Variants in BCL2L13 observed in about 807,000 individuals in gnomAD.
BCL2L13 encodes the protein BCL2 like 13.
In BCL2L13, 13 loss-of-function variants were observed where a neutral mutation model predicts 25.8. The observed-to-expected ratio is 0.50, with a 90% CI of 0.33 to 0.80. The LOEUF is 0.80. Among genes scored for constraint, BCL2L13 ranks in the 30% least tolerant of loss-of-function variants. BCL2L13 has a pLI of 0.02. For missense variants in BCL2L13, 504 were observed against 574.9 expected (o/e 0.88, Z 1.26); for synonymous variants, 244 against 230.3 (o/e 1.06, Z -0.54).
chr22:17,651,852 G>A (rs181536032), intron 1 of BCL2L13, among the ~76,000 whole-genome samples: 239 of 152,120 alleles, frequency 1.6e-3, no homozygotes, highest in African/African-American at 5.4e-3. Flanking sequence ...CACCACGCCC[G>A]GCTAATTTTT....
rs1335053444 is a variant in BCL2L13 at position 17,693,368 on chromosome 22, G to GTTTT, written c.387-2770_387-2769insTTTT. Among the ~76,000 whole-genome samples, 69 of 112,216 alleles carry GTTTT rather than the reference G, an allele frequency of 6.1e-4. 2 individuals carry two copies. The highest frequency in any genetic ancestry group is 2.6e-3 in the African/African-American group (66 of 25,584). 73.6% of individuals were successfully genotyped at this position (112,216 alleles called of 152,430 possible). A position where few individuals can be genotyped will look rare whatever the true frequency, so the allele number is the denominator to read the frequency against. On this transcript the variant is annotated intron_variant, in intron 4 of 6. Transcript: ENST00000317582. ...TTATTTATTTATTTATTTATTTAGT[G>GTTTT]TTTGTTTTTTTTTTTTTTTTTTTTT...
At chr22:17,698,208 G>A (rs930863993) in intron 5 of BCL2L13, among the ~76,000 whole-genome samples, 7 of 151,518 alleles carry the variant, frequency 4.6e-5, no homozygotes, top group African/African-American at 1.5e-4. Flanking sequence ...TTTCCCTTCC[G>A]GGTTCAAGCA....
Position 17,651,384 on chromosome 22 carries a change from TA to T in BCL2L13, c.-50-4277del, listed in dbSNP as rs1189750093. 3.0e-4 allele frequency among the ~76,000 whole-genome samples: 46 copies of T among 151,606 alleles called. 1 individual carries two copies. Among genetic ancestry groups the T allele is most frequent in the East Asian group, 1.9e-3 (10 of 5,168 alleles). On this transcript the variant is annotated intron_variant, in intron 1 of 6. Transcript: ENST00000317582. ...GCCTAGACCTATTTATTTATTTATT[TA>T]TTTATTTATTTATTTGAGACGGAGT...
intron 6 of BCL2L13, among the ~76,000 whole-genome samples, chr22:17,711,384 A>C (rs2060757043): frequency 7.1e-6 from 1 of 141,570 alleles, no homozygotes. Flanking sequence ...TGCATCCTTT[A>C]CCTCCTGGGC....
At chr22:17,674,625 A>G (rs1320361831) in intron 2 of BCL2L13, among the ~76,000 whole-genome samples, 4 of 148,050 alleles carry the variant, frequency 2.7e-5, no homozygotes, top group African/African-American at 9.9e-5. Flanking sequence ...AAAAAAAAGA[A>G]AGAAAGAAAT....
intron 6 of BCL2L13, among the ~76,000 whole-genome samples, chr22:17,710,512 G>A (rs766183580): frequency 6.6e-5 from 10 of 151,964 alleles, no homozygotes; most frequent in East Asian, 1.9e-4. Flanking sequence ...CTTGGGAGGC[G>A]GAGGTTGCGG....
chr22:17,691,001 C>CCACT (rs973566492), intron 4 of BCL2L13, among the ~76,000 whole-genome samples: 99 of 151,934 alleles, frequency 6.5e-4, no homozygotes, highest in African/African-American at 2.3e-3. Flanking sequence ...TAGGGCCTCT[C>CCACT]CACTCTTCTT....
chr22:17,683,016 C>T (rs1392268868), intron 2 of BCL2L13, among the ~76,000 whole-genome samples, 198 bp from the exon 3 acceptor site: 1 of 151,880 alleles, frequency 6.6e-6, no homozygotes, highest in Non-Finnish European at 1.5e-5. Context: ...GCCTATAATC[C>T]CAGTTACTTG....
At chr22:17,658,920 A>C (rs1423162446) in intron 2 of BCL2L13, among the ~76,000 whole-genome samples, 1 of 149,370 alleles carries the variant, frequency 6.7e-6, no homozygotes, top group Non-Finnish European at 1.5e-5. Context: ...TTAGTTGGGC[A>C]TGGTGGCAGG....
intron 6 of BCL2L13, among the ~76,000 whole-genome samples, chr22:17,714,292 C>CA (rs919815952): frequency 4.9e-5 from 7 of 143,002 alleles, no homozygotes; most frequent in Admixed American, 1.4e-4. Context: ...GACTCCGTCT[C>CA]AAAAAAAAAA....
At chr22:17,710,203 G>A (rs1284659498) in intron 6 of BCL2L13, among the ~76,000 whole-genome samples, 2 of 151,892 alleles carry the variant, frequency 1.3e-5, no homozygotes, top group African/African-American at 4.8e-5. Context: ...AGAATGTTCA[G>A]TGAATCTTCA....
At chr22:17,682,604 TACA>T (rs2059789050) in intron 2 of BCL2L13, among the ~76,000 whole-genome samples, 1 of 152,198 alleles carries the variant, frequency 6.6e-6, no homozygotes, top group Non-Finnish European at 1.5e-5. Context: ...GACTTATTGA[TACA>T]TCTTTCCCAA....
intron 2 of BCL2L13, 68 bp from the exon 3 acceptor site, chr22:17,683,146 A>AG: frequency 1.1e-6 from 1 of 916,546 alleles, no homozygotes; most frequent in Non-Finnish European, 1.7e-6. Flanking sequence ...AAAAAAAAAA[A>AG]AAGTGCTATT....
chr22:17,631,690 ATATATATATATATATATTTTTTTTTTTT>A lies in BCL2L13; in HGVS notation c.-650+2687_-650+2714del, dbSNP rs1568903744. Among the ~76,000 whole-genome samples the A allele has an allele frequency of 4.7e-3, 255 of 53,874 alleles. 11 individuals carry two copies. Among genetic ancestry groups the A allele is most frequent in the African/African-American group, 0.016 (242 of 14,976 alleles). 35.3% of individuals were successfully genotyped at this position (53,874 alleles called of 152,430 possible). ...TGTGTGTATATATATATATATATATATATATATATATATATATTTTTTTTTTTTTTTTTTTTTTTTTTTTTTTTGAGAT... is the reference window on the plus strand; with the variant it reads ...TGTGTGTATATATATATATATATATATTTTTTTTTTTTTTTTTTTTGAGAT... On this transcript the variant is annotated intron_variant, in intron 1 of 6. Transcript: ENST00000399782.
At chr22:17,645,306 C>G (rs2058436578) in intron 1 of BCL2L13, among the ~76,000 whole-genome samples, 2 of 143,908 alleles carry the variant, frequency 1.4e-5, no homozygotes, top group Non-Finnish European at 3.0e-5. Flanking sequence ...ACCGCAACCT[C>G]TGCTTTCTCG....
chr22:17,706,093 C>T (rs1032489711), intron 6 of BCL2L13, among the ~76,000 whole-genome samples: 1 of 152,158 alleles, frequency 6.6e-6, no homozygotes, highest in Admixed American at 6.5e-5. Flanking sequence ...GGCTCATTTG[C>T]AGCCTCAACT....
At chr22:17,635,433 C>A (rs2058089029), upstream of BCL2L13, among the ~76,000 whole-genome samples, 1 of 152,018 alleles carries the variant, frequency 6.6e-6, no homozygotes, top group Non-Finnish European at 1.5e-5. Context: ...TGATTAAAGT[C>A]AAATGATTTC....
intron 2 of BCL2L13, among the ~76,000 whole-genome samples, chr22:17,657,486 C>T (rs1294828429): frequency 6.6e-6 from 1 of 152,054 alleles, no homozygotes; most frequent in Non-Finnish European, 1.5e-5. Flanking sequence ...CTCCATTTAT[C>T]TGTCTGTGAA....
intron 6 of BCL2L13, among the ~76,000 whole-genome samples, chr22:17,715,122 TTATATATATATATATATATATATA>T (rs1371492072): frequency 0.069 from 3,645 of 52,954 alleles, 449 homozygotes; most frequent in East Asian, 0.12. Context: ...AGTGTTAATT[TTATATATATATATATATATATATA>T]TATATATATA....
Sources: gnomAD v4.1 joint callset for allele counts (sites outside exome capture counted in the v4.1 genomes callset) on GRCh38, gnomAD v4.1.1 for gene constraint, MANE v1.5 for transcripts, NCBI Gene and HGNC (gene_info 2026-07-23, HGNC 2026-07-21) for gene names.